The following USP33 variants were observed in gnomAD, a reference collection of about 807,000 sequenced individuals.
The protein encoded by USP33 is ubiquitin specific peptidase 33.
Under a neutral mutation model 124.2 loss-of-function variants are expected in USP33, and 46 were observed. That is an observed-to-expected ratio of 0.37 (90% confidence interval 0.29 to 0.47). The LOEUF (loss-of-function observed/expected upper bound fraction) is 0.47. Ranked by LOEUF, USP33 falls within the 20% of genes least tolerant of loss-of-function variation. USP33 has a pLI of 0.99. For missense variants in USP33, 851 were observed against 1,070.6 expected (o/e 0.79, Z 2.86); for synonymous variants, 350 against 352.3 (o/e 0.99, Z 0.07).
chr1:77,707,323 C>T (rs1001275206), intron 21 of USP33, among the ~76,000 whole-genome samples: 2 of 152,184 alleles, frequency 1.3e-5, no homozygotes, highest in Admixed American at 6.5e-5. Context: ...TCTAAAGCTT[C>T]TACCTTGCAG....
Position 77,741,358 on chromosome 1 carries a change from GA to G in USP33, c.135+17del. On this transcript the variant is annotated intron_variant, in intron 3 of 23. Transcript: ENST00000370794. ...ATTATTATTATAGCAATCTTTTCAGGAAAAAACATATACACACCTCCAGACA... is the reference window on the plus strand; with the variant it reads ...ATTATTATTATAGCAATCTTTTCAGGAAAAACATATACACACCTCCAGACA... The G allele has an allele frequency of 6.3e-7, 1 of 1,580,448 alleles. No homozygotes were observed. The highest frequency in any genetic ancestry group is 1.2e-5 in the South Asian group (1 of 82,964).
Position 77,755,781 on chromosome 1 carries a change from T to C in USP33, c.-52+3862A>G, listed in dbSNP as rs192312000. ...GGAAATGGTCTTATTTTAGGTCACA[T>C]TCAGCCCTATAGTTTCACCACATTA... On this transcript the variant is annotated intron_variant, in intron 1 of 23. Coordinates refer to ENST00000370794, the MANE Select transcript of USP33 (RefSeq NM_201624.3). Among the ~76,000 whole-genome samples the C allele has an allele frequency of 8.5e-5, 13 of 152,364 alleles. No homozygotes were observed. The East Asian group carries it at 2.5e-3, about 29-fold the overall frequency.
chr1:77,744,484 C>T (rs1298035095), intron 1 of USP33, among the ~76,000 whole-genome samples: 1 of 152,148 alleles, frequency 6.6e-6, no homozygotes, highest in Non-Finnish European at 1.5e-5. Flanking sequence ...GCACAAAACA[C>T]ACAAACTACA....
intron 12 of USP33, 31 bp from the exon 13 acceptor site, chr1:77,722,227 T>C (rs1177368147): frequency 1.3e-6 from 2 of 1,586,886 alleles, no homozygotes; most frequent in East Asian, 2.2e-5. Context: ...AAAAATGGGA[T>C]GAACATAATG....
rs369088556 is a variant in USP33 at position 77,721,868 on chromosome 1, A to G, written c.1620T>C (p.Asp540=). The G allele has an allele frequency of 3.7e-6, 6 of 1,610,632 alleles. No homozygotes were observed. In the African/African-American group the frequency reaches 6.7e-5, roughly 18 times the overall value. ...WFWGPVVTLQ[D]CLAAFFARDE... ...CTCTGGCAAAGAAGGCAGCAAGACA[A>G]TCTTGCAAGGTTACTACTGGACCCC... Residue 540 remains aspartate (D), a synonymous_variant, in exon 14 of 24, where the codon GAT becomes GAC. Coordinates refer to ENST00000370794, the MANE Select transcript of USP33 (RefSeq NM_201624.3).
chr1:77,736,551 A>G (rs1215961725), intron 5 of USP33, among the ~76,000 whole-genome samples: 2 of 152,180 alleles, frequency 1.3e-5, no homozygotes, highest in Non-Finnish European at 2.9e-5. Flanking sequence ...GTTTTTCATC[A>G]TAACACATTA....
At chr1:77,722,772 T>A (rs529647020) in intron 12 of USP33, among the ~76,000 whole-genome samples, 1 of 152,360 alleles carries the variant, frequency 6.6e-6, no homozygotes, top group South Asian at 2.1e-4. Context: ...ATATTCATCA[T>A]TGCACTAAAG....
At chr1:77,699,389 C>G (rs1367800125) in intron 22 of USP33, among the ~76,000 whole-genome samples, 1 of 152,042 alleles carries the variant, frequency 6.6e-6, no homozygotes, top group East Asian at 1.9e-4. Context: ...GGCATGACAG[C>G]GGCACCTGTA....
intron 9 of USP33, among the ~76,000 whole-genome samples, chr1:77,729,181 C>T (rs1342987481): frequency 1.3e-5 from 2 of 152,122 alleles, no homozygotes; most frequent in Non-Finnish European, 2.9e-5. Context: ...GCTGGGATTA[C>T]AGGCATGAGC....
At chr1:77,722,285 AT>A (rs1676649065) in intron 12 of USP33, 89 bp from the exon 13 acceptor site, 1 of 1,274,480 alleles carries the variant, frequency 7.8e-7, no homozygotes, top group African/African-American at 1.5e-5. Flanking sequence ...AGATCAAAGC[AT>A]GTTTAAATAA....
At position 77,713,557 on chromosome 1, in the gene USP33, C is replaced by CTTTT. The variant is rs1192112747; in HGVS notation, c.2216-280_2216-277dup. On this transcript the variant is annotated intron_variant, in intron 19 of 23. Transcript: ENST00000370794. ...GCTTCAACACACCCAGCTAACTTTT[C>CTTTT]TTTTTTTTTTTTTTTTTTTTGTAGA... 2.7e-3 allele frequency: 395 copies of CTTTT among 145,346 alleles called. 1 individual carries two copies. The highest frequency in any genetic ancestry group is 3.7e-3 in the South Asian group (29 of 7,754). 9.0% of individuals were successfully genotyped at this position (145,346 alleles called of 1,614,324 possible).
chr1:77,726,601 A>C (rs2101435791), intron 10 of USP33, among the ~76,000 whole-genome samples: 1 of 151,324 alleles, frequency 6.6e-6, no homozygotes, highest in African/African-American at 2.4e-5. Context: ...AGATGTGATC[A>C]TGCCACTGCA....
intron 12 of USP33, among the ~76,000 whole-genome samples, 199 bp downstream of exon 12, chr1:77,723,132 C>T (rs935637459): frequency 5.3e-5 from 8 of 152,170 alleles, no homozygotes; most frequent in Admixed American, 1.3e-4. Flanking sequence ...TGATGGGTCA[C>T]CATCCTTTAA....
chr1:77,711,510 G>C (rs1344410555), intron 21 of USP33: 2 of 477,162 alleles, frequency 4.2e-6, no homozygotes, highest in East Asian at 1.2e-4. Context: ...CTGGGCGACA[G>C]AGCAAGATTT....
chr1:77,729,675 AAAAGAT>A (rs1302620777), intron 9 of USP33, among the ~76,000 whole-genome samples, 179 bp downstream of exon 9: 3 of 152,214 alleles, frequency 2.0e-5, no homozygotes, highest in Non-Finnish European at 2.9e-5. Flanking sequence ...TGCCTCAAAA[AAAAGAT>A]AAAGATAAAG....
intron 21 of USP33, chr1:77,711,452 A>G (rs543125436): frequency 3.4e-4 from 70 of 208,176 alleles, no homozygotes; most frequent in African/African-American, 1.6e-3. Context: ...GCTTGAACCT[A>G]GGAGGCAGAG....
chr1:77,726,067 A>G (rs1677128295), intron 10 of USP33, among the ~76,000 whole-genome samples: 1 of 152,176 alleles, frequency 6.6e-6, no homozygotes, highest in African/African-American at 2.4e-5. Flanking sequence ...CTTCTGCCTC[A>G]GCCTCCCAAG....
In USP33 at chr1:77,739,296, T is replaced by C; in HGVS notation, c.320A>G (p.Gln107Arg). The part of the protein sequence containing the change: ...GTQPSLPHVR[Q>R]PHQIQENSVQ... The stretch of plus-strand genomic sequence containing the variant: ...ACTGTTTTCTTGTATTTGGTGAGGT[T>C]GTCTTACATGAGGCAATGAAGGCTG... Residue 107 changes from glutamine to arginine, a missense_variant, in exon 5 of 24, where the codon CAA becomes CGA. By Grantham distance (43) the Gln-to-Arg change is conservative. Around this residue, in one of 4 missense-constraint regions of USP33, gnomAD observed 221 missense variants for 302.9 expected, o/e 0.73. Transcript: ENST00000370794. 6.2e-7 allele frequency: 1 copy of C among 1,613,856 alleles called. No homozygotes were observed. The highest frequency in any genetic ancestry group is 8.5e-7 in the Non-Finnish European group (1 of 1,179,902).
intron 22 of USP33, among the ~76,000 whole-genome samples, chr1:77,699,894 G>C (rs1452855588): frequency 6.6e-6 from 1 of 152,164 alleles, no homozygotes; most frequent in African/African-American, 2.4e-5. Context: ...CCTATGCAGG[G>C]ACATGGATGG....
Sources: allele counts gnomAD v4.1 joint callset (sites outside exome capture counted in the v4.1 genomes callset), GRCh38; gene constraint gnomAD v4.1.1; regional missense constraint gnomAD v4.1.1; transcripts MANE v1.5; gene names NCBI Gene and HGNC (gene_info 2026-07-23, HGNC 2026-07-21).